The following MTUS2 variants were observed in gnomAD, a reference collection of about 807,000 sequenced individuals.
MTUS2 encodes microtubule-associated tumor suppressor candidate 2.
Under a neutral mutation model 114.1 loss-of-function variants are expected in MTUS2, and 40 were observed. The ratio of observed to expected loss-of-function variants is 0.35; its 90% CI spans 0.27 to 0.46. The LOEUF (loss-of-function observed/expected upper bound fraction) is 0.46. Ranked by LOEUF, MTUS2 falls within the 20% of genes least tolerant of loss-of-function variation. The pLI, the probability that MTUS2 is intolerant of heterozygous loss-of-function variation, is 1.00. For missense variants in MTUS2, 1,679 were observed against 1,705.4 expected (o/e 0.98, Z 0.27); for synonymous variants, 688 against 672.0 (o/e 1.02, Z -0.37).
intron 7 of MTUS2, among the ~76,000 whole-genome samples, chr13:29,356,513 C>T (rs561554752): frequency 5.9e-5 from 9 of 152,202 alleles, no homozygotes; most frequent in Non-Finnish European, 1.3e-4. Flanking sequence ...TGGCAGTGAG[C>T]CTGAGCTGCG....
intron 2 of MTUS2, among the ~76,000 whole-genome samples, chr13:28,921,630 G>T (rs1881046529): frequency 6.6e-6 from 1 of 152,102 alleles, no homozygotes; most frequent in Non-Finnish European, 1.5e-5. Flanking sequence ...GTCCTAGACT[G>T]CCTTTCAAGT....
intron 2 of MTUS2, among the ~76,000 whole-genome samples, chr13:29,009,336 T>A (rs918842038): frequency 1.4e-5 from 2 of 144,690 alleles, no homozygotes; most frequent in Admixed American, 1.4e-4. Context: ...GAACCTTGAA[T>A]GCAATATGTA....
At chr13:28,893,321 T>C (rs981153179) in intron 2 of MTUS2, among the ~76,000 whole-genome samples, 3 of 152,124 alleles carry the variant, frequency 2.0e-5, no homozygotes, top group South Asian at 4.1e-4. Flanking sequence ...GGGAAAGTAG[T>C]TCTGGCACAT....
chr13:29,141,343 A>T (rs1011173412), intron 5 of MTUS2, among the ~76,000 whole-genome samples: 1 of 152,206 alleles, frequency 6.6e-6, no homozygotes, highest in Non-Finnish European at 1.5e-5. Flanking sequence ...GGGGGTCAAG[A>T]AGCTTCCTGA....
chr13:29,119,125 A>G lies in MTUS2; in HGVS notation c.2644+18155A>G, dbSNP rs564356162. ...GATAGAAATTCATAATTGCAGAGCT[A>G]TATATCTAAAACATACACATATTGC... On this transcript the variant is annotated intron_variant, in intron 5 of 15. Transcript: ENST00000612955. Among the ~76,000 whole-genome samples, 58 of 152,346 alleles carry G rather than the reference A, an allele frequency of 3.8e-4. No individual in the cohort carries two copies. The Middle Eastern group carries it at 0.01, about 27-fold the overall frequency.
intron 5 of MTUS2, chr13:29,242,571 T>A (rs1428568001): frequency 6.4e-6 from 1 of 156,328 alleles, no homozygotes; most frequent in Non-Finnish European, 1.4e-5. Context: ...ATTATCTGTT[T>A]GGATGGTACC....
chr13:29,427,243 G>A (rs1188478704), intron 8 of MTUS2, among the ~76,000 whole-genome samples: 1 of 152,212 alleles, frequency 6.6e-6, no homozygotes, highest in Non-Finnish European at 1.5e-5. Flanking sequence ...TTCCATGAAT[G>A]TGTGAATCTT....
intron 2 of MTUS2, among the ~76,000 whole-genome samples, chr13:28,867,114 TG>T (rs576772699): frequency 1.4e-3 from 214 of 152,284 alleles, no homozygotes; most frequent in African/African-American, 4.4e-3. Context: ...GGTGGAATCA[TG>T]GTGAGAGAAT....
intron 8 of MTUS2, among the ~76,000 whole-genome samples, chr13:29,385,860 T>C (rs1447591671): frequency 6.6e-6 from 1 of 152,180 alleles, no homozygotes; most frequent in African/African-American, 2.4e-5. Context: ...GATAAAACCT[T>C]TCCTAGCACT....
Position 28,824,114 on chromosome 13 carries a change from A to C in MTUS2, c.-316+3503A>C, listed in dbSNP as rs373359609. 1.0e-3 allele frequency among the ~76,000 whole-genome samples: 152 copies of C among 152,306 alleles called. 1 individual carries two copies. The highest frequency in any genetic ancestry group is 3.5e-3 in the African/African-American group (147 of 41,554). On this transcript the variant is annotated intron_variant, in intron 1 of 15. Coordinates refer to ENST00000612955, the MANE Select transcript of MTUS2 (RefSeq NM_001033602.4). ...AGCCTAAGGCCATGTGTCTGGGATC[A>C]CCCAGCCTCACTTGCATTCCTACCT...
At chr13:29,039,387 TCG>T in intron 4 of MTUS2, among the ~76,000 whole-genome samples, 1 of 152,312 alleles carries the variant, frequency 6.6e-6, no homozygotes, top group East Asian at 1.9e-4. Context: ...GTGCAAAGCA[TCG>T]CGCGCCGGGC....
chr13:29,073,786 A>G (rs111989222), intron 4 of MTUS2, among the ~76,000 whole-genome samples: 146 of 152,174 alleles, frequency 9.6e-4, no homozygotes, highest in African/African-American at 3.3e-3. Context: ...AAAGTTTCCT[A>G]AAGTCCCTAC....
chr13:29,499,322 G>A (rs1365004691), intron 14 of MTUS2, among the ~76,000 whole-genome samples: 1 of 152,208 alleles, frequency 6.6e-6, no homozygotes. Context: ...GCCAGGGCTA[G>A]AGTCCCAGAA....
chr13:29,029,671 A>C (rs1886724716), intron 3 of MTUS2, among the ~76,000 whole-genome samples: 1 of 152,226 alleles, frequency 6.6e-6, no homozygotes, highest in Non-Finnish European at 1.5e-5. Context: ...GCATGGCACC[A>C]GCATCTGCCT....
chr13:28,932,833 C>G (rs1881688163), intron 2 of MTUS2, among the ~76,000 whole-genome samples: 1 of 152,164 alleles, frequency 6.6e-6, no homozygotes, highest in Non-Finnish European at 1.5e-5. Flanking sequence ...ACAGGGGGTT[C>G]TGTTCTAAGG....
At chr13:28,954,915 C>T (rs568840267) in intron 2 of MTUS2, among the ~76,000 whole-genome samples, 1 of 152,210 alleles carries the variant, frequency 6.6e-6, no homozygotes, top group East Asian at 1.9e-4. Flanking sequence ...CCTTATTTGG[C>T]CTGTGCTCTG....
chr13:29,155,506 G>A (rs531702481), intron 5 of MTUS2, among the ~76,000 whole-genome samples: 2 of 152,294 alleles, frequency 1.3e-5, no homozygotes, highest in African/African-American at 4.8e-5. Context: ...ATGCCCTCAT[G>A]GGAAGAGCAG....
intron 3 of MTUS2, among the ~76,000 whole-genome samples, chr13:29,030,401 C>T (rs1478755232): frequency 6.6e-6 from 1 of 152,168 alleles, no homozygotes; most frequent in East Asian, 1.9e-4. Context: ...CAGTTTCCCT[C>T]CCTGTATCTG....
intron 10 of MTUS2, 162 bp from the exon 11 acceptor site, chr13:29,487,738 C>T (rs541850667): frequency 3.3e-5 from 21 of 639,156 alleles, no homozygotes; most frequent in East Asian, 3.0e-4. Context: ...CCCGTGATTC[C>T]GAGGGCTGCC....
Sources: gnomAD v4.1 joint callset for allele counts (sites outside exome capture counted in the v4.1 genomes callset) on GRCh38, gnomAD v4.1.1 for gene constraint, MANE v1.5 for transcripts, NCBI Gene and HGNC (gene_info 2026-07-23, HGNC 2026-07-21) for gene names.